PLCB4: variants seen among roughly 807,000 people sequenced by gnomAD.
PLCB4 encodes 1-phosphatidylinositol 4,5-bisphosphate phosphodiesterase beta-4.
PLCB4 carries 77 observed loss-of-function variants against 178.8 expected under a neutral mutation model. That is an observed-to-expected ratio of 0.43 (90% CI 0.36 to 0.52). The LOEUF is 0.52. Among genes scored for constraint, PLCB4 ranks in the 20% least tolerant of loss-of-function variants. The probability of loss-of-function intolerance (pLI) is 0.00; values close to 1 mark genes in which losing one functional copy is unlikely to be tolerated. For synonymous variants in PLCB4, 496 were observed against 490.8 expected (o/e 1.01, Z -0.14); for missense variants, 1,024 against 1,453.4 (o/e 0.70, Z 4.80).
In PLCB4 at chr20:9,200,093, G is replaced by A. The variant is rs201269490; in HGVS notation, c.-78-17297G>A. On this transcript the variant is annotated intron_variant, in intron 2 of 39. Transcript: ENST00000378473. ...GCAGATGTTCCCAAAGTTAGTTATT[G>A]AAAATGACAGTCTCAGTTTCCCGTT... Among the ~76,000 whole-genome samples, 13 of 146,296 alleles carry A rather than the reference G, an allele frequency of 8.9e-5. No homozygotes were observed. In the East Asian group the frequency reaches 2.2e-3, roughly 24 times the overall value.
At chr20:9,088,623 G>A (rs1030687275) in intron 1 of PLCB4, among the ~76,000 whole-genome samples, 1 of 152,170 alleles carries the variant, frequency 6.6e-6, no homozygotes, top group African/African-American at 2.4e-5. Flanking sequence ...AAAGGTAAAG[G>A]TGACCAATAT....
At chr20:9,109,209 A>G (rs1009519951) in intron 2 of PLCB4, among the ~76,000 whole-genome samples, 4 of 152,230 alleles carry the variant, frequency 2.6e-5, no homozygotes, top group Non-Finnish European at 2.9e-5. Context: ...TGGTGTGGCT[A>G]TAAGAGTACC....
chr20:9,423,638 C>A, intron 27 of PLCB4, 110 bp from the exon 28 acceptor site: 1 of 806,924 alleles, frequency 1.2e-6, no homozygotes, highest in Non-Finnish European at 2.1e-6. Context: ...GACTTACTTT[C>A]AACATCAGGG....
chr20:9,237,635 A>T (rs1296529230), intron 3 of PLCB4, among the ~76,000 whole-genome samples: 4 of 152,232 alleles, frequency 2.6e-5, no homozygotes, highest in African/African-American at 7.2e-5. Context: ...GCATGACAGT[A>T]GACCACAGAT....
chr20:9,191,312 C>T (rs1247799798), intron 2 of PLCB4, among the ~76,000 whole-genome samples: 3 of 147,072 alleles, frequency 2.0e-5, no homozygotes, highest in Non-Finnish European at 4.4e-5. Context: ...GGACTAGTGA[C>T]CTTATAAAAG....
At chr20:9,353,651 C>T (rs73066440) in intron 7 of PLCB4, among the ~76,000 whole-genome samples, 7,587 of 152,292 alleles carry the variant, frequency 0.05, 265 homozygotes, top group Non-Finnish European at 0.075. Flanking sequence ...CCACTCTCCA[C>T]CTCTGCCACT....
intron 12 of PLCB4, among the ~76,000 whole-genome samples, chr20:9,374,608 C>T (rs1034315503): frequency 6.6e-6 from 1 of 152,158 alleles, no homozygotes; most frequent in Non-Finnish European, 1.5e-5. Flanking sequence ...GACAAGGCCT[C>T]TTGTGTTCTT....
intron 2 of PLCB4, among the ~76,000 whole-genome samples, chr20:9,127,678 CTATCT>C (rs1568800951): frequency 0.045 from 6,652 of 147,194 alleles, 180 homozygotes; most frequent in Middle Eastern, 0.095. Flanking sequence ...ATCTATCTAT[CTATCT>C]ATCCATCCAT....
chr20:9,118,322 G>A (rs1360970564), intron 2 of PLCB4, among the ~76,000 whole-genome samples: 2 of 138,796 alleles, frequency 1.4e-5, no homozygotes, highest in African/African-American at 2.7e-5. Flanking sequence ...AAACAACAAA[G>A]TGCTTATAAA....
chr20:9,266,139 A>T (rs2094346869), intron 3 of PLCB4, among the ~76,000 whole-genome samples: 1 of 152,184 alleles, frequency 6.6e-6, no homozygotes, highest in Non-Finnish European at 1.5e-5. Flanking sequence ...GAAATACTGA[A>T]ATCTACAGCC....
intron 28 of PLCB4, among the ~76,000 whole-genome samples, chr20:9,426,099 C>T (rs2299678): frequency 0.04 from 6,090 of 151,420 alleles, 310 homozygotes; most frequent in East Asian, 0.24. Flanking sequence ...CCATCACACT[C>T]AGCATTTTCT....
intron 2 of PLCB4, among the ~76,000 whole-genome samples, chr20:9,118,042 T>C (rs963001614): frequency 6.6e-6 from 1 of 152,180 alleles, no homozygotes; most frequent in East Asian, 1.9e-4. Context: ...TTGTCTAAAG[T>C]GTTGACTATC....
At chr20:9,356,073 C>A (rs954312406) in intron 7 of PLCB4, among the ~76,000 whole-genome samples, 4 of 152,176 alleles carry the variant, frequency 2.6e-5, no homozygotes, top group Non-Finnish European at 2.9e-5. Context: ...TTTCATGTGT[C>A]TTTTGGCTGC....
chr20:9,231,845 G>A (rs1319495517), intron 3 of PLCB4, among the ~76,000 whole-genome samples: 2 of 152,020 alleles, frequency 1.3e-5, no homozygotes, highest in Non-Finnish European at 2.9e-5. Flanking sequence ...ACAAAGACTC[G>A]TAAACGTATG....
chr20:9,285,446 T>G (rs546740155), intron 3 of PLCB4, among the ~76,000 whole-genome samples: 1 of 151,974 alleles, frequency 6.6e-6, no homozygotes, highest in Non-Finnish European at 1.5e-5. Flanking sequence ...CTTACTAAGT[T>G]CTTTTTAGCA....
chr20:9,438,202 T>C (rs1423836180), intron 30 of PLCB4, among the ~76,000 whole-genome samples: 1 of 151,758 alleles, frequency 6.6e-6, no homozygotes, highest in Non-Finnish European at 1.5e-5. Flanking sequence ...CCGTCTCTAC[T>C]AAAAATACAA....
intron 25 of PLCB4, among the ~76,000 whole-genome samples, chr20:9,417,262 T>C (rs940710159): frequency 6.6e-6 from 1 of 152,132 alleles, no homozygotes; most frequent in African/African-American, 2.4e-5. Context: ...AATTATGGAA[T>C]CTGTGATTAT....
intron 2 of PLCB4, among the ~76,000 whole-genome samples, chr20:9,176,420 G>A (rs1323902537): frequency 3.3e-5 from 5 of 152,062 alleles, no homozygotes; most frequent in African/African-American, 1.2e-4. Flanking sequence ...CTGCCAAATT[G>A]GTTTATAAAA....
At chr20:9,122,058 C>G (rs775409239) in intron 2 of PLCB4, among the ~76,000 whole-genome samples, 3 of 152,092 alleles carry the variant, frequency 2.0e-5, no homozygotes, top group Admixed American at 2.0e-4. Flanking sequence ...TTTGGTTTCT[C>G]TCATTGTGGA....
Sources: gnomAD v4.1 joint callset for allele counts (sites outside exome capture counted in the v4.1 genomes callset) on GRCh38, gnomAD v4.1.1 for gene constraint, MANE v1.5 for transcripts, NCBI Gene and HGNC (gene_info 2026-07-23, HGNC 2026-07-21) for gene names.